The following MCC variants were observed in gnomAD, a reference collection of about 807,000 sequenced individuals.
The protein encoded by MCC is MCC regulator of Wnt signaling pathway.
MCC carries 90 observed loss-of-function variants against 116.2 expected under a neutral mutation model. That is an observed-to-expected ratio of 0.77 (90% CI 0.65 to 0.92). MCC has a LOEUF of 0.92. Among genes scored for constraint, MCC ranks in the 40% least tolerant of loss-of-function variants. The pLI is 0.00. For synonymous variants in MCC, 578 were observed against 510.5 expected (o/e 1.13, Z -1.78); for missense variants, 1,516 against 1,312.2 (o/e 1.16, Z -2.40).
Position 113,025,893 on chromosome 5 carries a change from C to G in MCC, c.*1409G>C, listed in dbSNP as rs1750513585. On this transcript the variant is annotated 3_prime_UTR_variant, in exon 19 of 19. Coordinates refer to ENST00000408903, the MANE Select transcript of MCC (RefSeq NM_001085377.2). Reference sequence around the variant, plus strand: ...CCCGTAGCTTATGGACATAAAGACTCTATGCAGAAACCTCCTCAACTTTAA... The same window carrying G: ...CCCGTAGCTTATGGACATAAAGACTGTATGCAGAAACCTCCTCAACTTTAA... 1 of 152,178 alleles carries G rather than the reference C, an allele frequency of 6.6e-6. No homozygotes were observed. Among genetic ancestry groups the G allele is most frequent in the Non-Finnish European group, 1.5e-5 (1 of 68,032 alleles). 9.4% of individuals were successfully genotyped at this position (152,178 alleles called of 1,614,324 possible). A position where few individuals can be genotyped will look rare whatever the true frequency, so the allele number is the denominator to read the frequency against.
intron 1 of MCC, among the ~76,000 whole-genome samples, chr5:113,474,215 G>A (rs1772172893): frequency 6.6e-6 from 1 of 152,202 alleles, no homozygotes; most frequent in South Asian, 2.1e-4. Flanking sequence ...TCTCTGCCTT[G>A]AGTATGGGGA....
intron 3 of MCC, among the ~76,000 whole-genome samples, chr5:113,293,251 C>T (rs970499649): frequency 6.6e-6 from 1 of 151,970 alleles, no homozygotes; most frequent in African/African-American, 2.4e-5. Flanking sequence ...ACACACACAC[C>T]CCCGCAGGGG....
At chr5:113,460,135 A>G (rs1355560764) in intron 1 of MCC, among the ~76,000 whole-genome samples, 1 of 152,208 alleles carries the variant, frequency 6.6e-6, no homozygotes, top group Non-Finnish European at 1.5e-5. Flanking sequence ...TAAAAAACCC[A>G]AAACCTCCCA....
At chr5:113,104,690 T>C (rs1308707079) in intron 6 of MCC, 2 of 197,438 alleles carry the variant, frequency 1.0e-5, no homozygotes, top group Admixed American at 5.5e-5. Flanking sequence ...TCTGCTGTCA[T>C]TCAGACAAGC....
rs180940218 is a variant in MCC, at chr5:113,290,941, T to C, written c.627+49578A>G. On this transcript the variant is annotated intron_variant, in intron 3 of 18. Coordinates refer to ENST00000408903, the MANE Select transcript of MCC (RefSeq NM_001085377.2). ...GAAAAAAGAACAAATCACTAGTTTATCCGTCTACATTTTCCTTTTGTATTT... is the reference window on the plus strand; with the variant it reads ...GAAAAAAGAACAAATCACTAGTTTACCCGTCTACATTTTCCTTTTGTATTT... 1.0e-3 allele frequency among the ~76,000 whole-genome samples: 159 copies of C among 152,372 alleles called. 1 individual carries two copies. Among genetic ancestry groups the C allele is most frequent in the African/African-American group, 3.6e-3 (148 of 41,592 alleles).
At chr5:113,375,186 T>G (rs1021682933) in intron 2 of MCC, among the ~76,000 whole-genome samples, 2 of 151,780 alleles carry the variant, frequency 1.3e-5, no homozygotes, top group African/African-American at 4.9e-5. Context: ...GTGTGTTTCC[T>G]TATTTCAACA....
chr5:113,393,523 T>C (rs188912920), intron 1 of MCC, among the ~76,000 whole-genome samples: 1 of 152,346 alleles, frequency 6.6e-6, no homozygotes, highest in African/African-American at 2.4e-5. Context: ...TTTCCTGGTA[T>C]GACTTTTTAG....
intron 3 of MCC, among the ~76,000 whole-genome samples, chr5:113,255,280 T>C (rs940737109): frequency 6.6e-6 from 1 of 152,194 alleles, no homozygotes; most frequent in Non-Finnish European, 1.5e-5. Context: ...CCTTTATAAA[T>C]AAAAAGGCCA....
intron 5 of MCC, among the ~76,000 whole-genome samples, chr5:113,132,435 T>TATACACACATAC (rs1758505361): frequency 5.4e-5 from 4 of 73,752 alleles, no homozygotes; most frequent in Admixed American, 1.5e-4. Flanking sequence ...TACATATATA[T>TATACACACATAC]ATATATATAC....
intron 1 of MCC, 35 bp downstream of exon 1, chr5:113,488,210 C>A: frequency 6.3e-7 from 1 of 1,579,052 alleles, no homozygotes. Flanking sequence ...GGACTGATCT[C>A]GCTCCTGTCG....
chr5:113,388,156 A>C (rs574658947), intron 1 of MCC, among the ~76,000 whole-genome samples: 2 of 152,322 alleles, frequency 1.3e-5, no homozygotes, highest in South Asian at 4.1e-4. Context: ...AATGTGTAAC[A>C]CTGAATTTTA....
At chr5:113,395,464 T>C (rs186301195) in intron 1 of MCC, among the ~76,000 whole-genome samples, 3 of 152,258 alleles carry the variant, frequency 2.0e-5, no homozygotes, top group Admixed American at 6.5e-5. Flanking sequence ...AAGTTAAATA[T>C]CTCCACAGGT....
chr5:113,030,227 GAT>G (rs1750860518), intron 17 of MCC, among the ~76,000 whole-genome samples: 1 of 152,124 alleles, frequency 6.6e-6, no homozygotes, highest in African/African-American at 2.4e-5. Context: ...ATTTTACAGA[GAT>G]ATCAGGAGCA....
intron 1 of MCC, among the ~76,000 whole-genome samples, chr5:113,388,535 A>G (rs1398482620): frequency 6.6e-6 from 1 of 151,998 alleles, no homozygotes; most frequent in East Asian, 1.9e-4. Flanking sequence ...TCTCCCTGTT[A>G]GTTCACACAA....
At chr5:113,265,314 CCAA>C (rs1319710366) in intron 3 of MCC, among the ~76,000 whole-genome samples, 1 of 152,048 alleles carries the variant, frequency 6.6e-6, no homozygotes, top group Non-Finnish European at 1.5e-5. Flanking sequence ...TTGTTTTATC[CCAA>C]CCCAACCTGG....
At chr5:113,194,710 A>T (rs1409676415) in intron 3 of MCC, among the ~76,000 whole-genome samples, 1 of 152,052 alleles carries the variant, frequency 6.6e-6, no homozygotes, top group East Asian at 1.9e-4. Flanking sequence ...AGGGAAAGGG[A>T]AAGGGGAAGA....
intron 3 of MCC, among the ~76,000 whole-genome samples, chr5:113,210,304 T>G (rs1763080719): frequency 6.6e-6 from 1 of 152,214 alleles, no homozygotes. Context: ...AATTCTCTCT[T>G]AAATATTTAT....
chr5:113,243,136 A>T (rs1259267561), intron 3 of MCC, among the ~76,000 whole-genome samples: 2 of 152,118 alleles, frequency 1.3e-5, no homozygotes, highest in East Asian at 3.8e-4. Context: ...GCCCAGGTCT[A>T]AAAATGGCTG....
At chr5:113,087,890 A>G (rs1755315178) in intron 8 of MCC, among the ~76,000 whole-genome samples, 7 of 152,170 alleles carry the variant, frequency 4.6e-5, no homozygotes, top group Admixed American at 4.6e-4. Context: ...TTCTAATCAC[A>G]AAAGTAAAAC....
Sources: allele counts gnomAD v4.1 joint callset (sites outside exome capture counted in the v4.1 genomes callset), GRCh38; gene constraint gnomAD v4.1.1; transcripts MANE v1.5; gene names NCBI Gene and HGNC (gene_info 2026-07-23, HGNC 2026-07-21).